The following UNC5D variants were observed in gnomAD, a reference collection of about 807,000 sequenced individuals.
UNC5D encodes the protein unc-5 netrin receptor D, also known as netrin receptor UNC5D.
A neutral mutation model predicts 105.4 loss-of-function variants in UNC5D; 39 were observed. That is an observed-to-expected ratio of 0.37 (90% confidence interval 0.29 to 0.48). The LOEUF (loss-of-function observed/expected upper bound fraction) is 0.48. Ranked by LOEUF, UNC5D falls within the 20% of genes least tolerant of loss-of-function variation. The probability of loss-of-function intolerance (pLI) is 0.98; values close to 1 mark genes in which losing one functional copy is unlikely to be tolerated. For missense variants in UNC5D, 991 were observed against 1,202.4 expected (o/e 0.82, Z 2.60); for synonymous variants, 452 against 450.4 (o/e 1.00, Z -0.04).
At chr8:35,513,775 G>T (rs542109279) in intron 1 of UNC5D, among the ~76,000 whole-genome samples, 3 of 152,176 alleles carry the variant, frequency 2.0e-5, no homozygotes, top group Admixed American at 2.0e-4. Context: ...AAGCACCAAA[G>T]ATATTGTTGA....
At chr8:35,586,952 A>G (rs757416290) in intron 3 of UNC5D, among the ~76,000 whole-genome samples, 10 of 152,218 alleles carry the variant, frequency 6.6e-5, no homozygotes, top group Non-Finnish European at 1.2e-4. Context: ...ACATAGTAGC[A>G]TGAAAGGAAA....
intron 4 of UNC5D, among the ~76,000 whole-genome samples, chr8:35,607,358 A>G (rs554598761): frequency 8.5e-5 from 13 of 152,112 alleles, no homozygotes; most frequent in Non-Finnish European, 1.5e-4. Context: ...GCAGAAGTTT[A>G]TTTTCCAACA....
intron 1 of UNC5D, among the ~76,000 whole-genome samples, chr8:35,459,673 G>A (rs1189528126): frequency 6.6e-6 from 1 of 152,202 alleles, no homozygotes; most frequent in Non-Finnish European, 1.5e-5. Context: ...ATCAGATTAG[G>A]TGAAGGAAAT....
At chr8:35,275,859 A>G (rs942451156) in intron 1 of UNC5D, among the ~76,000 whole-genome samples, 12 of 152,192 alleles carry the variant, frequency 7.9e-5, no homozygotes, top group Non-Finnish European at 1.5e-4. Context: ...ATTTATAATT[A>G]CATTTTTTTT....
chr8:35,591,056 C>T (rs1267036577), intron 3 of UNC5D, among the ~76,000 whole-genome samples: 2 of 151,828 alleles, frequency 1.3e-5, no homozygotes, highest in Non-Finnish European at 2.9e-5. Flanking sequence ...TTTTTAAAAC[C>T]GACAACTTCC....
intron 1 of UNC5D, among the ~76,000 whole-genome samples, chr8:35,303,915 A>G (rs998236482): frequency 6.6e-6 from 1 of 152,160 alleles, no homozygotes; most frequent in Non-Finnish European, 1.5e-5. Flanking sequence ...TTTTATAAAC[A>G]GTCTAAGTTG....
chr8:35,603,792 A>T (rs978372137), intron 4 of UNC5D, among the ~76,000 whole-genome samples: 45 of 152,276 alleles, frequency 3.0e-4, no homozygotes, highest in African/African-American at 1.0e-3. Flanking sequence ...CTTTACTATT[A>T]TGTAATGGCC....
intron 1 of UNC5D, among the ~76,000 whole-genome samples, chr8:35,408,821 C>T (rs1804974117): frequency 6.6e-6 from 1 of 151,610 alleles, no homozygotes; most frequent in South Asian, 2.1e-4. Flanking sequence ...TTTTAATTTA[C>T]AAACAGTAAA....
chr8:35,237,933 C>T (rs531735571), intron 1 of UNC5D, among the ~76,000 whole-genome samples: 2 of 152,266 alleles, frequency 1.3e-5, no homozygotes, highest in South Asian at 4.1e-4. Context: ...ATGAAGTTCT[C>T]CCTTCCCAGA....
intron 1 of UNC5D, among the ~76,000 whole-genome samples, chr8:35,502,811 C>T (rs1373439677): frequency 6.6e-6 from 1 of 151,974 alleles, no homozygotes; most frequent in Non-Finnish European, 1.5e-5. Context: ...GTGATCTGCC[C>T]ACCTCAGCCT....
At chr8:35,448,744 CTCA>C (rs1807958705) in intron 1 of UNC5D, among the ~76,000 whole-genome samples, 1 of 152,086 alleles carries the variant, frequency 6.6e-6, no homozygotes, top group Non-Finnish European at 1.5e-5. Flanking sequence ...TAAGTATTTT[CTCA>C]TCTCTGACCC....
chr8:35,317,682 G>A (rs553806965), intron 1 of UNC5D, among the ~76,000 whole-genome samples: 56 of 152,112 alleles, frequency 3.7e-4, no homozygotes, highest in African/African-American at 1.3e-3. Flanking sequence ...ATTGTTTAGC[G>A]AACTCAGAGT....
intron 4 of UNC5D, among the ~76,000 whole-genome samples, chr8:35,636,817 C>G (rs1049853387): frequency 1.3e-5 from 2 of 152,186 alleles, no homozygotes; most frequent in African/African-American, 4.8e-5. Context: ...TAAACAGATA[C>G]AAGTAACCCC....
intron 1 of UNC5D, among the ~76,000 whole-genome samples, chr8:35,475,974 A>G (rs972690272): frequency 3.3e-5 from 5 of 152,318 alleles, no homozygotes; most frequent in Admixed American, 3.3e-4. Flanking sequence ...TGAAATAAAC[A>G]GTGAAGTTAC....
chr8:35,587,512 C>G (rs1818867183), intron 3 of UNC5D, among the ~76,000 whole-genome samples: 1 of 152,120 alleles, frequency 6.6e-6, no homozygotes, highest in South Asian at 2.1e-4. Flanking sequence ...TGTATTAAGT[C>G]ACTATCTTCC....
intron 4 of UNC5D, among the ~76,000 whole-genome samples, chr8:35,637,840 A>T (rs893004552): frequency 3.3e-5 from 5 of 152,158 alleles, no homozygotes; most frequent in African/African-American, 1.2e-4. Flanking sequence ...TCAGTCTCTG[A>T]TATTATTCAA....
intron 1 of UNC5D, among the ~76,000 whole-genome samples, chr8:35,534,525 G>A (rs981217587): frequency 2.0e-5 from 3 of 150,992 alleles, no homozygotes; most frequent in Non-Finnish European, 2.9e-5. Flanking sequence ...AATAAGTTAC[G>A]TTTACTCTGG....
rs1801639982 is a variant in UNC5D at position 35,357,733 on chromosome 8, A to G, written c.103+121846A>G. 2.6e-5 allele frequency among the ~76,000 whole-genome samples: 4 copies of G among 152,128 alleles called. No homozygotes were observed. The South Asian group carries it at 8.3e-4, about 32-fold the overall frequency. On this transcript the variant is annotated intron_variant, in intron 1 of 16. Transcript: ENST00000404895. ...CAACCCTCCAGCCCCCACCATGAAG[A>G]ATCAGTTGTGGGAATAAGTAAAGCC...
In UNC5D at chr8:35,594,140, C is replaced by T. The variant is rs1383466166; in HGVS notation, c.467-1414C>T. ...AGAAATGAGAGAATGGATCTTGTCA[C>T]CCACCTGCAGTTCAAGTTGTTTTAA... On this transcript the variant is annotated intron_variant, in intron 3 of 16. Transcript: ENST00000404895. Among the ~76,000 whole-genome samples, 5 of 152,126 alleles carry T rather than the reference C, an allele frequency of 3.3e-5. No homozygotes were observed. In the East Asian group the frequency reaches 5.8e-4, roughly 18 times the overall value.
Sources: allele counts gnomAD v4.1 joint callset (sites outside exome capture counted in the v4.1 genomes callset), GRCh38; gene constraint gnomAD v4.1.1; transcripts MANE v1.5; gene names NCBI Gene and HGNC (gene_info 2026-07-23, HGNC 2026-07-21).